HEMK2: variants seen among roughly 807,000 people sequenced by gnomAD.
The protein encoded by HEMK2 is HemK methyltransferase 2, ETF1 glutamine and histone H4 lysine, also known as methyltransferase HEMK2.
At chr21:28,724,793 G>A in the HEMK2 span, among the ~76,000 whole-genome samples, 1 of 151,874 alleles carries the variant, frequency 6.6e-6, no homozygotes, top group Non-Finnish European at 1.5e-5. Context: ...TTTTGTTTTT[G>A]TTTTTTGAGA....
the HEMK2 span, among the ~76,000 whole-genome samples, chr21:28,725,076 C>A: frequency 0.015 from 2,301 of 152,146 alleles, 60 homozygotes; most frequent in African/African-American, 0.051. Flanking sequence ...AGATTAATTT[C>A]TTTAAGGTCA....
the HEMK2 span, chr21:28,875,938 T>A: frequency 6.5e-6 from 1 of 152,758 alleles, no homozygotes; most frequent in African/African-American, 2.4e-5. Context: ...ATATAACCAA[T>A]CAGTGTAATA....
chr21:28,838,972 A>AATAT, the HEMK2 span, among the ~76,000 whole-genome samples: 86 of 29,076 alleles, frequency 3.0e-3, no homozygotes, highest in South Asian at 0.012. Flanking sequence ...AAAAAAAAAA[A>AATAT]ATATATATAT....
the HEMK2 span, among the ~76,000 whole-genome samples, chr21:28,635,101 C>CTTTTTT: frequency 2.8e-5 from 4 of 142,900 alleles, no homozygotes; most frequent in Non-Finnish European, 1.5e-5. Flanking sequence ...ATGTCCTCAT[C>CTTTTTT]TTTTTTTTTT....
chr21:28,737,794 G>A, the HEMK2 span, among the ~76,000 whole-genome samples: 2 of 152,190 alleles, frequency 1.3e-5, no homozygotes, highest in Non-Finnish European at 2.9e-5. Context: ...AATTCACCAA[G>A]CCCTGCTTAA....
At chr21:28,786,345 A>AT in the HEMK2 span, among the ~76,000 whole-genome samples, 1 of 152,208 alleles carries the variant, frequency 6.6e-6, no homozygotes, top group Admixed American at 6.5e-5. Context: ...TGTTATCTTT[A>AT]TTAAAACTTA....
At chr21:28,731,733 G>A in the HEMK2 span, among the ~76,000 whole-genome samples, 2 of 148,304 alleles carry the variant, frequency 1.3e-5, no homozygotes, top group Non-Finnish European at 1.5e-5. Flanking sequence ...TTGTGCACAT[G>A]TACCCTAAAA....
the HEMK2 span, among the ~76,000 whole-genome samples, chr21:28,688,753 T>C: frequency 6.6e-6 from 1 of 152,184 alleles, no homozygotes; most frequent in African/African-American, 2.4e-5. Flanking sequence ...TAGATTTTCA[T>C]GGCTGTCTCC....
chr21:28,671,819 C>T, the HEMK2 span, among the ~76,000 whole-genome samples: 1 of 152,174 alleles, frequency 6.6e-6, no homozygotes, highest in African/African-American at 2.4e-5. Context: ...TGAATCATTT[C>T]CACTCTTTGA....
At chr21:28,845,219 T>A in the HEMK2 span, among the ~76,000 whole-genome samples, 18 of 152,238 alleles carry the variant, frequency 1.2e-4, no homozygotes, top group Non-Finnish European at 2.4e-4. Context: ...AAACAATTGA[T>A]TCATTTCACA....
the HEMK2 span, among the ~76,000 whole-genome samples, chr21:28,761,046 A>C: frequency 1.3e-5 from 2 of 152,106 alleles, no homozygotes; most frequent in African/African-American, 4.8e-5. Flanking sequence ...TGATTTTATT[A>C]CTGTTTTGCT....
chr21:28,863,400 A>T, the HEMK2 span, among the ~76,000 whole-genome samples: 6 of 110,990 alleles, frequency 5.4e-5, no homozygotes, highest in African/African-American at 2.2e-4. Flanking sequence ...AATACTTAAT[A>T]AACTCCCTTT....
chr21:28,611,007 A>G, the HEMK2 span, among the ~76,000 whole-genome samples: 1 of 152,204 alleles, frequency 6.6e-6, no homozygotes, highest in Non-Finnish European at 1.5e-5. Context: ...GAAGTTCAAA[A>G]AAGAAACAAT....
chr21:28,696,979 C>CAGT, the HEMK2 span, among the ~76,000 whole-genome samples: 101 of 150,058 alleles, frequency 6.7e-4, 4 homozygotes, highest in South Asian at 0.02. Flanking sequence ...CTGCACACAG[C>CAGT]AGGGGAGCCC....
the HEMK2 span, among the ~76,000 whole-genome samples, chr21:28,604,284 G>A: frequency 4.2e-3 from 638 of 152,252 alleles, 6 homozygotes; most frequent in African/African-American, 0.014. Context: ...CTGGGGGAGG[G>A]ATAGCATTAG....
chr21:28,825,777 A>C, the HEMK2 span, among the ~76,000 whole-genome samples: 2 of 152,224 alleles, frequency 1.3e-5, no homozygotes, highest in Non-Finnish European at 2.9e-5. Flanking sequence ...CAACTATTCT[A>C]GTTTTCCCAG....
At chr21:28,742,925 A>G in the HEMK2 span, among the ~76,000 whole-genome samples, 1 of 152,040 alleles carries the variant, frequency 6.6e-6, no homozygotes, top group South Asian at 2.1e-4. Flanking sequence ...TCTCCTATGA[A>G]CCATTTTTAA....
the HEMK2 span, among the ~76,000 whole-genome samples, chr21:28,602,013 T>C: frequency 3.3e-5 from 5 of 152,244 alleles, no homozygotes; most frequent in African/African-American, 1.2e-4. Context: ...TAATTCATTG[T>C]ACATTGTCAT....
the HEMK2 span, among the ~76,000 whole-genome samples, chr21:28,618,884 G>T: frequency 1.3e-5 from 2 of 152,054 alleles, no homozygotes; most frequent in African/African-American, 2.4e-5. Context: ...ATGTACATTG[G>T]TCGTTATGAA....
Sources: allele counts gnomAD v4.1 joint callset (sites outside exome capture counted in the v4.1 genomes callset), GRCh38; gene constraint gnomAD v4.1.1; transcripts MANE v1.5; gene names NCBI Gene and HGNC (gene_info 2026-07-23, HGNC 2026-07-21).